Variants in PEPD observed in about 807,000 individuals in gnomAD.
The protein encoded by PEPD is xaa-Pro dipeptidase.
A neutral mutation model predicts 60.7 loss-of-function variants in PEPD; 53 were observed. That is an observed-to-expected ratio of 0.87 (90% confidence interval 0.70 to 1.10). The LOEUF is 1.10. Among genes scored for constraint, PEPD ranks in the 50% least tolerant of loss-of-function variants. The pLI is 0.00. For synonymous variants in PEPD, 267 were observed against 284.1 expected, an observed-to-expected ratio of 0.94 and a Z score of 0.60; for missense variants, 711 against 711.9, an observed-to-expected ratio of 1.00 and a Z score of 0.01.
At position 33,434,304 on chromosome 19, in the gene PEPD, G is replaced by A. The variant is rs545240380; in HGVS notation, c.672-20661C>T. On this transcript the variant is annotated intron_variant, in intron 9 of 14. Transcript: ENST00000244137. The stretch of plus-strand genomic sequence containing the variant: ...CTCCTCCCCCACCTCATGTGTCTCC[G>A]GTGCACATGGGGCAGGCAAAGGGGG... Among the ~76,000 whole-genome samples, 33 of 152,240 alleles carry A rather than the reference G, an allele frequency of 2.2e-4. No homozygotes were observed. In the East Asian group the frequency reaches 2.3e-3, roughly 11 times the overall value.
At chr19:33,513,079 C>T (rs1026048617) in intron 1 of PEPD, among the ~76,000 whole-genome samples, 5 of 151,938 alleles carry the variant, frequency 3.3e-5, no homozygotes, top group Non-Finnish European at 5.9e-5. Flanking sequence ...GAATCTGCAG[C>T]AGGTCCCCAG....
intron 7 of PEPD, among the ~76,000 whole-genome samples, chr19:33,467,618 C>A (rs1970045391): frequency 6.6e-6 from 1 of 152,024 alleles, no homozygotes; most frequent in African/African-American, 2.4e-5. Context: ...CAAATGGAAC[C>A]CATGGAAGAA....
intron 7 of PEPD, among the ~76,000 whole-genome samples, chr19:33,469,717 T>C (rs1003745343): frequency 7.2e-5 from 11 of 151,760 alleles, no homozygotes; most frequent in African/African-American, 2.7e-4. Context: ...CTCCCCTCAC[T>C]TGCCTCCTTC....
chr19:33,423,236 T>A (rs933394531), intron 9 of PEPD, among the ~76,000 whole-genome samples: 1 of 152,220 alleles, frequency 6.6e-6, no homozygotes, highest in Non-Finnish European at 1.5e-5. Flanking sequence ...GTCTTTGGTA[T>A]ACCTCTGTTG....
At chr19:33,423,146 C>T (rs914872781) in intron 9 of PEPD, among the ~76,000 whole-genome samples, 4 of 134,262 alleles carry the variant, frequency 3.0e-5, no homozygotes, top group Non-Finnish European at 5.0e-5. Flanking sequence ...CATCTCTAGC[C>T]TCCCATTAGG....
chr19:33,495,297 G>C (rs983494063), intron 4 of PEPD, among the ~76,000 whole-genome samples: 1 of 151,630 alleles, frequency 6.6e-6, no homozygotes, highest in Non-Finnish European at 1.5e-5. Context: ...CGCGAGGTCA[G>C]GAGTTCGAGA....
intron 9 of PEPD, among the ~76,000 whole-genome samples, chr19:33,454,607 A>G (rs770318119): frequency 2.0e-5 from 3 of 152,154 alleles, no homozygotes; most frequent in Non-Finnish European, 4.4e-5. Flanking sequence ...GTCTCCAAAA[A>G]AGAAAAAAAA....
At position 33,431,198 on chromosome 19, in the gene PEPD, G is replaced by A. The variant is rs539495262; in HGVS notation, c.672-17555C>T. Among the ~76,000 whole-genome samples, 4 of 150,268 alleles carry A rather than the reference G, an allele frequency of 2.7e-5. No individual in the cohort carries two copies. In the East Asian group the frequency reaches 7.9e-4, roughly 30 times the overall value. On this transcript the variant is annotated intron_variant, in intron 9 of 14. Transcript: ENST00000244137. Reference sequence around the variant, plus strand: ...AGGAAGGAAGGGAGGGAGGGAGGGAGGGAGAGAGGGAGGGAGGGAAGGAGG... The same window carrying A: ...AGGAAGGAAGGGAGGGAGGGAGGGAAGGAGAGAGGGAGGGAGGGAAGGAGG...
chr19:33,440,940 C>A (rs909110397), intron 9 of PEPD, among the ~76,000 whole-genome samples: 2 of 152,176 alleles, frequency 1.3e-5, no homozygotes. Context: ...CATGGGCAGC[C>A]TGACTTCCCA....
intron 9 of PEPD, among the ~76,000 whole-genome samples, chr19:33,439,141 T>C (rs964996302): frequency 1.3e-5 from 2 of 152,232 alleles, no homozygotes; most frequent in East Asian, 1.9e-4. Context: ...TGAGACGTCA[T>C]GGACTGTTTA....
chr19:33,388,454 G>A (rs1968132782), intron 13 of PEPD: 2 of 423,176 alleles, frequency 4.7e-6, no homozygotes, highest in African/African-American at 2.0e-5. Context: ...CCAAACCACT[G>A]AAGCCAAAAA....
At chr19:33,494,908 G>A (rs1037924416) in intron 4 of PEPD, among the ~76,000 whole-genome samples, 5 of 152,172 alleles carry the variant, frequency 3.3e-5, no homozygotes, top group African/African-American at 9.7e-5. Flanking sequence ...GACAGGGCAG[G>A]CAGATCACGA....
chr19:33,442,406 CAA>C (rs78376277), intron 9 of PEPD, among the ~76,000 whole-genome samples: 57 of 128,596 alleles, frequency 4.4e-4, no homozygotes, highest in African/African-American at 1.4e-3. Context: ...GACTCTGTCT[CAA>C]AAAAAAAAAA....
intron 1 of PEPD, among the ~76,000 whole-genome samples, chr19:33,518,393 G>C (rs1000147649): frequency 5.9e-5 from 9 of 152,132 alleles, no homozygotes; most frequent in Non-Finnish European, 1.0e-4. Context: ...CACATTGTGG[G>C]GTTGGGCTCT....
chr19:33,432,541 T>C (rs1374478232), intron 9 of PEPD, among the ~76,000 whole-genome samples: 3 of 151,952 alleles, frequency 2.0e-5, no homozygotes, highest in African/African-American at 7.3e-5. Flanking sequence ...AAAAAGCAAA[T>C]TTCCCTCTGG....
intron 11 of PEPD, among the ~76,000 whole-genome samples, chr19:33,410,926 G>T (rs960998873): frequency 6.6e-6 from 1 of 152,116 alleles, no homozygotes; most frequent in African/African-American, 2.4e-5. Context: ...GGCAAAGAAC[G>T]CGGAGGGACT....
intron 11 of PEPD, among the ~76,000 whole-genome samples, chr19:33,410,243 A>AGGTCTGAGCTGAGCTCCTGCCAGCAT (rs1968732600): frequency 6.6e-6 from 1 of 152,198 alleles, no homozygotes; most frequent in Non-Finnish European, 1.5e-5. Flanking sequence ...GCCCCACCCA[A>AGGTCTGAGCTGAGCTCCTGCCAGCAT]GGTCTGAGCT....
intron 9 of PEPD, among the ~76,000 whole-genome samples, chr19:33,445,811 C>T (rs1281593338): frequency 1.3e-5 from 2 of 152,160 alleles, no homozygotes; most frequent in African/African-American, 2.4e-5. Context: ...GCTCTGAACT[C>T]GAGTCCCACC....
At chr19:33,411,907 C>G (rs1968785696) in intron 10 of PEPD, among the ~76,000 whole-genome samples, 158 bp from the exon 11 acceptor site, 1 of 152,198 alleles carries the variant, frequency 6.6e-6, no homozygotes, top group Admixed American at 6.5e-5. Context: ...AGAGGTAAGG[C>G]CGGGGGACAT....
Sources: gnomAD v4.1 joint callset for allele counts (sites outside exome capture counted in the v4.1 genomes callset) on GRCh38, gnomAD v4.1.1 for gene constraint, MANE v1.5 for transcripts, NCBI Gene and HGNC (gene_info 2026-07-23, HGNC 2026-07-21) for gene names.